The following IQUB variants were observed in gnomAD, a reference collection of about 807,000 sequenced individuals.
IQUB encodes IQ motif and ubiquitin-like domain-containing protein.
A neutral mutation model predicts 86.4 loss-of-function variants in IQUB; 86 were observed. The ratio of observed to expected loss-of-function variants is 1.00; its 90% confidence interval spans 0.84 to 1.19. The LOEUF (loss-of-function observed/expected upper bound fraction) is 1.19, where lower values mean the gene tolerates loss of function less well. IQUB is among the 50% of genes most tolerant of loss of function. IQUB has a pLI of 0.00. For missense variants in IQUB, 946 were observed against 916.9 expected (o/e 1.03, Z -0.41); for synonymous variants, 289 against 304.5 (o/e 0.95, Z 0.53).
At chr7:123,529,380 G>A (rs1298810115) in intron 1 of IQUB, among the ~76,000 whole-genome samples, 6 of 151,046 alleles carry the variant, frequency 4.0e-5, no homozygotes, top group African/African-American at 7.3e-5. Context: ...CGATTCTGCC[G>A]CATTCTTTTC....
chr7:123,457,398 G>A lies in IQUB; in HGVS notation c.2176C>T (p.Leu726=). 6.2e-7 allele frequency: 1 copy of A among 1,611,434 alleles called. No homozygotes were observed. The highest frequency in any genetic ancestry group is 8.5e-7 in the Non-Finnish European group (1 of 1,178,698). Reference sequence around the variant, plus strand: ...TTTCTTACCTCTTCAATACTTGTTAGCTTGAGATGAGCAGCTGCTTCATCT... The same window carrying A: ...TTTCTTACCTCTTCAATACTTGTTAACTTGAGATGAGCAGCTGCTTCATCT... ...TKDEAAAHLK[L]TSIEEGYERS... is the part of the protein sequence containing the mutation. The change falls in exon 12 of 13, where the codon CTA becomes TTA. Residue 726 remains leucine, a synonymous_variant. Coordinates refer to ENST00000324698, the MANE Select transcript of IQUB (RefSeq NM_178827.5).
intron 7 of IQUB, among the ~76,000 whole-genome samples, chr7:123,488,245 G>T (rs1255941438): frequency 6.6e-6 from 1 of 151,658 alleles, no homozygotes; most frequent in Non-Finnish European, 1.5e-5. Context: ...GGAGGCTGAG[G>T]CAGGAGAATG....
chr7:123,525,223 G>A (rs935731917), intron 1 of IQUB, among the ~76,000 whole-genome samples: 2 of 152,092 alleles, frequency 1.3e-5, no homozygotes, highest in African/African-American at 2.4e-5. Context: ...CATAAAATGA[G>A]TTAGGGAGGA....
intron 7 of IQUB, among the ~76,000 whole-genome samples, chr7:123,488,233 C>T (rs1795296860): frequency 1.3e-5 from 2 of 150,480 alleles, no homozygotes; most frequent in African/African-American, 2.4e-5. Context: ...CCCAGCTACT[C>T]GGGAGGCTGA....
At chr7:123,460,060 C>T (rs1793910114) in intron 11 of IQUB, among the ~76,000 whole-genome samples, 2 of 151,972 alleles carry the variant, frequency 1.3e-5, no homozygotes, top group Admixed American at 1.3e-4. Context: ...ACTTTTATTT[C>T]TGAGGCAGAA....
intron 1 of IQUB, among the ~76,000 whole-genome samples, chr7:123,520,884 G>C (rs1013416183): frequency 6.6e-6 from 1 of 152,180 alleles, no homozygotes; most frequent in Non-Finnish European, 1.5e-5. Context: ...TGGGCTATGA[G>C]ATAGAGAGGA....
At chr7:123,496,115 TC>T (rs2117165757) in intron 7 of IQUB, among the ~76,000 whole-genome samples, 1 of 152,238 alleles carries the variant, frequency 6.6e-6, no homozygotes, top group African/African-American at 2.4e-5. Context: ...AGAAGGGGAA[TC>T]GTGTATCTAC....
chr7:123,533,980 G>C (rs1797650864), intron 1 of IQUB, among the ~76,000 whole-genome samples: 1 of 152,226 alleles, frequency 6.6e-6, no homozygotes, highest in African/African-American at 2.4e-5. Context: ...TTAGAATGTA[G>C]TATAATTAGT....
chr7:123,532,374 A>G (rs1205068261), intron 1 of IQUB: 1 of 152,058 alleles, frequency 6.6e-6, no homozygotes, highest in African/African-American at 2.4e-5. Flanking sequence ...CTTCACACAT[A>G]CCGGTCTGCC....
chr7:123,505,516 C>G (rs1796137290), intron 3 of IQUB, among the ~76,000 whole-genome samples: 1 of 152,206 alleles, frequency 6.6e-6, no homozygotes, highest in South Asian at 2.1e-4. Context: ...CTTCTGTGCA[C>G]CCACACGCTT....
chr7:123,519,196 A>AC (rs1198552791), intron 1 of IQUB, among the ~76,000 whole-genome samples: 1 of 152,232 alleles, frequency 6.6e-6, no homozygotes, highest in East Asian at 1.9e-4. Flanking sequence ...GAATGGTAGT[A>AC]CACTGTTAGC....
At chr7:123,464,805 C>A (rs751523973) in intron 10 of IQUB, 28 bp downstream of exon 10, 22 of 1,441,406 alleles carry the variant, frequency 1.5e-5, no homozygotes, top group Admixed American at 1.0e-4. Context: ...GATTTTGAAA[C>A]AGGAATATAG....
intron 1 of IQUB, among the ~76,000 whole-genome samples, chr7:123,527,835 G>T (rs1378200345): frequency 6.6e-6 from 1 of 152,162 alleles, no homozygotes; most frequent in Non-Finnish European, 1.5e-5. Context: ...AGCTGTGGTG[G>T]GCTCCACCCA....
At chr7:123,457,634 G>T in intron 11 of IQUB, 68 bp from the exon 12 acceptor site, 1 of 1,128,160 alleles carries the variant, frequency 8.9e-7, no homozygotes, top group Non-Finnish European at 1.3e-6. Context: ...TATTACTTGA[G>T]CAAATAATTA....
chr7:123,493,721 ATGTGTGTGTATGTGTGTGTGTGTG>A (rs936801487), intron 7 of IQUB, among the ~76,000 whole-genome samples: 12 of 128,410 alleles, frequency 9.3e-5, no homozygotes, highest in African/African-American at 2.1e-4. Flanking sequence ...CCTGAGAGAA[ATGTGTGTGTATGTGTGTGTGTGTG>A]TGTGTGTGTG....
chr7:123,509,753 C>T (rs1796336301), intron 3 of IQUB, 148 bp downstream of exon 3: 1 of 674,358 alleles, frequency 1.5e-6, no homozygotes, highest in East Asian at 2.7e-5. Context: ...TATGTCCTTA[C>T]TAAATATGTA....
chr7:123,521,344 C>CT (rs938762719), intron 1 of IQUB, among the ~76,000 whole-genome samples: 3 of 151,952 alleles, frequency 2.0e-5, no homozygotes, highest in African/African-American at 7.3e-5. Flanking sequence ...AATCTATCTC[C>CT]TTACAAACAA....
intron 1 of IQUB, chr7:123,532,723 G>T (rs1459096887): frequency 2.6e-5 from 4 of 152,246 alleles, no homozygotes; most frequent in African/African-American, 4.8e-5. Flanking sequence ...CGCCCAAGGG[G>T]TCCGGCTCCT....
chr7:123,523,711 G>C (rs1797027868), intron 1 of IQUB, among the ~76,000 whole-genome samples: 1 of 152,000 alleles, frequency 6.6e-6, no homozygotes, highest in Admixed American at 6.6e-5. Context: ...AGTTTAATTA[G>C]ATCCCATTTG....
Sources: allele counts gnomAD v4.1 joint callset (sites outside exome capture counted in the v4.1 genomes callset), GRCh38; gene constraint gnomAD v4.1.1; transcripts MANE v1.5; gene names NCBI Gene and HGNC (gene_info 2026-07-23, HGNC 2026-07-21).